UNC13C: variants seen among roughly 807,000 people sequenced by gnomAD.
The protein encoded by UNC13C is protein unc-13 homolog C.
In UNC13C, 174 loss-of-function variants were observed where a neutral mutation model predicts 245.4. The ratio of observed to expected loss-of-function variants is 0.71; its 90% CI spans 0.63 to 0.80. The LOEUF (loss-of-function observed/expected upper bound fraction) is 0.80, where lower values mean the gene tolerates loss of function less well. Among genes scored for constraint, UNC13C ranks in the 30% least tolerant of loss-of-function variants. The pLI, the probability that UNC13C is intolerant of heterozygous loss-of-function variation, is 0.00. For synonymous variants in UNC13C, 992 were observed against 895.1 expected (o/e 1.11, Z -1.93); for missense variants, 2,829 against 2,602.9 (o/e 1.09, Z -1.89).
chr15:54,109,218 A>G (rs1900622801), intron 2 of UNC13C, among the ~76,000 whole-genome samples: 1 of 151,062 alleles, frequency 6.6e-6, no homozygotes, highest in Admixed American at 6.6e-5. Flanking sequence ...ATCAGAAGTG[A>G]GCTTTTTACA....
intron 14 of UNC13C, among the ~76,000 whole-genome samples, chr15:54,331,134 T>C (rs538859600): frequency 4.7e-4 from 71 of 152,192 alleles, no homozygotes; most frequent in African/African-American, 1.6e-3. Flanking sequence ...TTCATTTTTG[T>C]CAATATCCTC....
At position 54,244,928 on chromosome 15, in the gene UNC13C, C is replaced by T. The variant is rs576177487; in HGVS notation, c.3229-5297C>T. Among the ~76,000 whole-genome samples the T allele has an allele frequency of 3.9e-5, 6 of 152,264 alleles. No homozygotes were observed. The South Asian group carries it at 1.0e-3, about 26-fold the overall frequency. ...GTCCTCTGCAAAAATAATTTGACTT[C>T]CTCTCTTCCTATTTGAATACACTTT... is the stretch of plus-strand genomic sequence containing the variant. On this transcript the variant is annotated intron_variant, in intron 7 of 32. Coordinates refer to ENST00000260323, the MANE Select transcript of UNC13C (RefSeq NM_001080534.3).
intron 2 of UNC13C, among the ~76,000 whole-genome samples, chr15:54,093,337 G>T (rs1316116193): frequency 1.3e-5 from 2 of 152,144 alleles, no homozygotes; most frequent in Non-Finnish European, 2.9e-5. Flanking sequence ...AGCATGCTTA[G>T]TTTTATGTTG....
intron 8 of UNC13C, among the ~76,000 whole-genome samples, chr15:54,261,930 C>A (rs1261462928): frequency 6.6e-6 from 1 of 152,086 alleles, no homozygotes; most frequent in African/African-American, 2.4e-5. Flanking sequence ...AACCTGCTGT[C>A]CACCGATTGG....
At chr15:54,421,568 C>G (rs1233897736) in intron 19 of UNC13C, among the ~76,000 whole-genome samples, 1 of 152,018 alleles carries the variant, frequency 6.6e-6, no homozygotes, top group African/African-American at 2.4e-5. Context: ...TAGGGCCCAG[C>G]AATTCCTGTT....
intron 26 of UNC13C, among the ~76,000 whole-genome samples, chr15:54,546,383 G>T (rs1479713259): frequency 1.3e-5 from 2 of 152,002 alleles, no homozygotes; most frequent in African/African-American, 4.8e-5. Context: ...TCGGCTTGAT[G>T]GGTGCATCAA....
intron 10 of UNC13C, among the ~76,000 whole-genome samples, chr15:54,278,876 T>A (rs920241862): frequency 3.9e-5 from 6 of 152,172 alleles, no homozygotes; most frequent in African/African-American, 1.4e-4. Context: ...GTCTTACCTC[T>A]TTATCACCTA....
rs569265058 is a variant in UNC13C at position 54,238,685 on chromosome 15, C to G, written c.3228+995C>G. On this transcript the variant is annotated intron_variant, in intron 7 of 32. Coordinates refer to ENST00000260323, the MANE Select transcript of UNC13C (RefSeq NM_001080534.3). ...CACCTTTTCTTTTAAACTCTGATAT[C>G]CTTGAGGGTGGCACTATAACTTGTT... is the stretch of plus-strand genomic sequence containing the variant. Among the ~76,000 whole-genome samples, 37 of 151,974 alleles carry G rather than the reference C, an allele frequency of 2.4e-4. 1 individual carries two copies. The East Asian group carries it at 4.4e-3, about 18-fold the overall frequency.
rs1332229818 is a variant in UNC13C at position 54,525,545 on chromosome 15, G to T, written c.5458-4G>T. 1 of 1,610,214 alleles carries T rather than the reference G, an allele frequency of 6.2e-7. No homozygotes were observed. The highest frequency in any genetic ancestry group is 1.1e-5 in the South Asian group (1 of 90,302). Reference sequence around the variant, plus strand: ...AAGTAATATTGTTTATGGTCTCTCTGCAGCTAGATTCTGAAGCTAGTACTA... The same window carrying T: ...AAGTAATATTGTTTATGGTCTCTCTTCAGCTAGATTCTGAAGCTAGTACTA... On this transcript the variant is annotated splice_region_variant and splice_polypyrimidine_tract_variant and intron_variant, in intron 24 of 32. Transcript: ENST00000260323.
intron 7 of UNC13C, among the ~76,000 whole-genome samples, 170 bp downstream of exon 7, chr15:54,237,860 A>C (rs1383340235): frequency 1.3e-5 from 2 of 152,144 alleles, no homozygotes; most frequent in African/African-American, 4.8e-5. Flanking sequence ...GGACTCAGCC[A>C]ATCATTGTCT....
the UNC13C span, among the ~76,000 whole-genome samples, chr15:53,839,611 C>T: frequency 6.6e-6 from 1 of 151,884 alleles, no homozygotes; most frequent in African/African-American, 2.4e-5. Flanking sequence ...TGTTTATGTA[C>T]TGTGACAGTC....
intron 4 of UNC13C, among the ~76,000 whole-genome samples, chr15:54,209,147 G>A (rs776203966): frequency 5.3e-5 from 8 of 152,090 alleles, no homozygotes; most frequent in Non-Finnish European, 8.8e-5. Flanking sequence ...CAGCTATATG[G>A]AGATTTAAGC....
At chr15:53,913,263 C>T in the UNC13C span, 1 of 152,158 alleles carries the variant, frequency 6.6e-6, no homozygotes, top group Non-Finnish European at 1.5e-5. Flanking sequence ...AAGCACAAGC[C>T]CTATGGGTAG....
intron 30 of UNC13C, among the ~76,000 whole-genome samples, chr15:54,604,197 T>A (rs1899623942): frequency 6.6e-6 from 1 of 152,146 alleles, no homozygotes; most frequent in Admixed American, 6.5e-5. Flanking sequence ...ATTGTGTATA[T>A]CACAATGTGG....
chr15:54,418,010 G>A (rs1031894219), intron 19 of UNC13C, among the ~76,000 whole-genome samples: 4 of 152,000 alleles, frequency 2.6e-5, no homozygotes, highest in African/African-American at 2.4e-5. Context: ...TGCAACCTCC[G>A]ACTCCCTGAT....
intron 1 of UNC13C, among the ~76,000 whole-genome samples, chr15:54,010,723 A>G (rs1229972705): frequency 6.6e-6 from 1 of 152,208 alleles, no homozygotes; most frequent in Admixed American, 6.5e-5. Context: ...ATCATTAGGA[A>G]GACCACGTCG....
chr15:53,981,424 A>G (rs1182971375), intron 1 of UNC13C, among the ~76,000 whole-genome samples: 1 of 152,194 alleles, frequency 6.6e-6, no homozygotes, highest in Non-Finnish European at 1.5e-5. Flanking sequence ...ATACACTTTT[A>G]TAGCTAGAAA....
chr15:54,390,161 A>T (rs536660009), intron 17 of UNC13C, among the ~76,000 whole-genome samples: 1 of 152,330 alleles, frequency 6.6e-6, no homozygotes, highest in African/African-American at 2.4e-5. Context: ...TAACAGTTTT[A>T]AAAGTATTGT....
intron 2 of UNC13C, among the ~76,000 whole-genome samples, chr15:54,133,457 G>A (rs1257864858): frequency 6.6e-6 from 1 of 152,122 alleles, no homozygotes; most frequent in East Asian, 1.9e-4. Flanking sequence ...TGTGGAATTT[G>A]AAGACATTAA....
Sources: allele counts gnomAD v4.1 joint callset (sites outside exome capture counted in the v4.1 genomes callset), GRCh38; gene constraint gnomAD v4.1.1; transcripts MANE v1.5; gene names NCBI Gene and HGNC (gene_info 2026-07-23, HGNC 2026-07-21).